Variants in PRKD1 observed in about 807,000 individuals in gnomAD.
PRKD1 encodes the protein protein kinase D1.
PRKD1 carries 63 observed loss-of-function variants against 95.9 expected under a neutral mutation model. The ratio of observed to expected loss-of-function variants is 0.66; its 90% CI spans 0.54 to 0.81. The LOEUF (loss-of-function observed/expected upper bound fraction) is 0.81, where lower values mean the gene tolerates loss of function less well. Ranked by LOEUF, PRKD1 falls within the 30% of genes least tolerant of loss-of-function variation. The probability of loss-of-function intolerance (pLI) is 0.00; values close to 1 mark genes in which losing one functional copy is unlikely to be tolerated. For missense variants in PRKD1, 1,048 were observed against 1,165.3 expected (o/e 0.90, Z 1.47); for synonymous variants, 425 against 423.1 (o/e 1.00, Z -0.05).
intron 3 of PRKD1, among the ~76,000 whole-genome samples, chr14:29,665,278 A>T (rs575840713): frequency 2.6e-5 from 4 of 152,170 alleles, no homozygotes; most frequent in Non-Finnish European, 5.9e-5. Flanking sequence ...TCAGTACATG[A>T]ATGAATTATA....
At chr14:29,817,450 G>A (rs1311862665) in intron 1 of PRKD1, among the ~76,000 whole-genome samples, 1 of 152,050 alleles carries the variant, frequency 6.6e-6, no homozygotes, top group Non-Finnish European at 1.5e-5. Context: ...TACCACAAGG[G>A]AAAAATGAAG....
intron 1 of PRKD1, among the ~76,000 whole-genome samples, chr14:29,917,612 T>G (rs1894935808): frequency 6.6e-6 from 1 of 152,210 alleles, no homozygotes; most frequent in Non-Finnish European, 1.5e-5. Flanking sequence ...TTCAGATTCT[T>G]TTTATTCTAT....
chr14:29,917,159 T>TAGAA (rs1280819450), intron 1 of PRKD1, among the ~76,000 whole-genome samples: 2 of 152,216 alleles, frequency 1.3e-5, no homozygotes, highest in Non-Finnish European at 2.9e-5. Context: ...GGAACTTAAT[T>TAGAA]CTAGCACCTG....
At chr14:29,873,094 T>C (rs1204045620) in intron 1 of PRKD1, among the ~76,000 whole-genome samples, 1 of 152,194 alleles carries the variant, frequency 6.6e-6, no homozygotes, top group Non-Finnish European at 1.5e-5. Flanking sequence ...TATTTTACTT[T>C]TTATTTTTTG....
chr14:29,676,543 CG>C (rs1411730437), intron 2 of PRKD1, among the ~76,000 whole-genome samples: 1 of 152,064 alleles, frequency 6.6e-6, no homozygotes. Flanking sequence ...TTAGTAGAGA[CG>C]GGGTTTCACC....
At chr14:29,645,361 A>G (rs1881058599) in intron 4 of PRKD1, among the ~76,000 whole-genome samples, 1 of 152,170 alleles carries the variant, frequency 6.6e-6, no homozygotes, top group East Asian at 1.9e-4. Flanking sequence ...TAACTAGTGG[A>G]ATAAACAGCT....
chr14:29,802,766 T>C (rs564094059), intron 1 of PRKD1, among the ~76,000 whole-genome samples: 1 of 152,308 alleles, frequency 6.6e-6, no homozygotes, highest in South Asian at 2.1e-4. Flanking sequence ...ACCAATTCCT[T>C]ATGTTTCAAT....
At chr14:29,799,612 G>A (rs1464580684) in intron 1 of PRKD1, among the ~76,000 whole-genome samples, 1 of 152,202 alleles carries the variant, frequency 6.6e-6, no homozygotes, top group African/African-American at 2.4e-5. Flanking sequence ...CTCTCTTACA[G>A]AGTGTCTTTG....
At chr14:29,605,041 A>C (rs1247900578) in intron 13 of PRKD1, among the ~76,000 whole-genome samples, 1 of 152,092 alleles carries the variant, frequency 6.6e-6, no homozygotes, top group Non-Finnish European at 1.5e-5. Context: ...ACTGGTCTCT[A>C]AAAGTAATAG....
intron 7 of PRKD1, among the ~76,000 whole-genome samples, chr14:29,635,126 A>G (rs1880283752): frequency 6.6e-6 from 1 of 152,168 alleles, no homozygotes; most frequent in Admixed American, 6.5e-5. Flanking sequence ...CCTGAGGTAG[A>G]GTACTTCTTA....
intron 2 of PRKD1, among the ~76,000 whole-genome samples, chr14:29,674,814 G>C (rs1311617339): frequency 6.6e-6 from 1 of 152,170 alleles, no homozygotes; most frequent in Non-Finnish European, 1.5e-5. Context: ...AGGCAGCAGG[G>C]CTTCTCAGGA....
At chr14:29,603,136 T>G (rs1327860207) in intron 13 of PRKD1, among the ~76,000 whole-genome samples, 1 of 152,226 alleles carries the variant, frequency 6.6e-6, no homozygotes, top group Admixed American at 6.5e-5. Flanking sequence ...GAAGTTTAAA[T>G]TCATTTCACT....
At chr14:29,916,312 T>C (rs1894885623) in intron 1 of PRKD1, among the ~76,000 whole-genome samples, 3 of 152,236 alleles carry the variant, frequency 2.0e-5, no homozygotes, top group Non-Finnish European at 4.4e-5. Context: ...TCCACTGTTA[T>C]TCCTGAGTGA....
intron 1 of PRKD1, among the ~76,000 whole-genome samples, chr14:29,797,426 G>T (rs1889864629): frequency 6.6e-6 from 1 of 152,156 alleles, no homozygotes; most frequent in Non-Finnish European, 1.5e-5. Context: ...TGTACTGTTA[G>T]GAATTGCTTA....
chr14:29,691,020 C>T (rs1206762730), intron 2 of PRKD1, among the ~76,000 whole-genome samples: 2 of 152,162 alleles, frequency 1.3e-5, no homozygotes, highest in African/African-American at 2.4e-5. Context: ...GTGCTGAGCA[C>T]CATTTTATCC....
intron 1 of PRKD1, among the ~76,000 whole-genome samples, chr14:29,809,817 T>A (rs1890403266): frequency 6.6e-6 from 1 of 152,248 alleles, no homozygotes; most frequent in Non-Finnish European, 1.5e-5. Context: ...GGAGTAGCAC[T>A]TTTAATTTCC....
intron 1 of PRKD1, among the ~76,000 whole-genome samples, chr14:29,838,188 C>T (rs1333038369): frequency 6.6e-6 from 1 of 151,798 alleles, no homozygotes. Context: ...ATTTTTGGAC[C>T]CCTAAATATG....
At chr14:29,926,362 G>A (rs10133444) in intron 1 of PRKD1, among the ~76,000 whole-genome samples, 1 of 151,916 alleles carries the variant, frequency 6.6e-6, no homozygotes, top group Non-Finnish European at 1.5e-5. Context: ...GGCCCCCTCT[G>A]CCTCACGTCT....
At chr14:29,828,016 A>G (rs1010539222) in intron 1 of PRKD1, among the ~76,000 whole-genome samples, 1 of 151,796 alleles carries the variant, frequency 6.6e-6, no homozygotes, top group Non-Finnish European at 1.5e-5. Flanking sequence ...TTTGACACTT[A>G]TCTATTCCTA....
Sources: allele counts gnomAD v4.1 joint callset (sites outside exome capture counted in the v4.1 genomes callset), GRCh38; gene constraint gnomAD v4.1.1; transcripts MANE v1.5; gene names NCBI Gene and HGNC (gene_info 2026-07-23, HGNC 2026-07-21).